The following KCNH1 variants were observed in gnomAD, a reference collection of about 807,000 sequenced individuals.
KCNH1 encodes voltage-gated delayed rectifier potassium channel KCNH1.
KCNH1 carries 27 observed loss-of-function variants against 69.2 expected under a neutral mutation model. The ratio of observed to expected loss-of-function variants is 0.39; its 90% CI spans 0.29 to 0.54. KCNH1 has a LOEUF of 0.54. Among genes scored for constraint, KCNH1 ranks in the 20% least tolerant of loss-of-function variants. The probability of loss-of-function intolerance (pLI) is 0.68; values close to 1 mark genes in which losing one functional copy is unlikely to be tolerated. For missense variants in KCNH1, 798 were observed against 1,261.6 expected (o/e 0.63, Z 5.57); for synonymous variants, 456 against 487.7 (o/e 0.93, Z 0.86).
intron 10 of KCNH1, among the ~76,000 whole-genome samples, chr1:210,688,516 A>G (rs1386446539): frequency 1.3e-5 from 2 of 152,182 alleles, no homozygotes; most frequent in African/African-American, 2.4e-5. Flanking sequence ...TTTAATGGGG[A>G]GAGAGAAAAA....
intron 1 of KCNH1, among the ~76,000 whole-genome samples, chr1:211,126,074 C>T (rs915056608): frequency 3.9e-5 from 6 of 152,178 alleles, no homozygotes; most frequent in Non-Finnish European, 7.3e-5. Context: ...TCAGCAAGAC[C>T]ACACTTGCAG....
chr1:210,689,286 T>C (rs941609173), intron 10 of KCNH1, among the ~76,000 whole-genome samples: 8 of 152,220 alleles, frequency 5.3e-5, no homozygotes, highest in African/African-American at 1.9e-4. Flanking sequence ...CCACCTCTTC[T>C]GGGTTACATT....
Position 210,919,611 on chromosome 1 carries a change from C to T in KCNH1, c.1462+29G>A. 6.3e-6 allele frequency: 10 copies of T among 1,586,316 alleles called. No homozygotes were observed. Among genetic ancestry groups the T allele is most frequent in the Non-Finnish European group, 8.6e-6 (10 of 1,161,756 alleles). On this transcript the variant is annotated intron_variant, in intron 7 of 10. Coordinates refer to ENST00000271751, the MANE Select transcript of KCNH1 (RefSeq NM_172362.3). The surrounding 1 kb of genome is among the most constrained non-coding windows in gnomAD (Gnocchi z 4.2). ...GTTTCCAGCTAACAGAAGAGATGGC[C>T]AACCCCACCCCAGCACTGTCATACT...
rs1691298367 is a variant in KCNH1 at position 211,103,489 on chromosome 1, T to C, written c.310+7A>G. The C allele has an allele frequency of 1.3e-6, 2 of 1,544,898 alleles. No homozygotes were observed. The highest frequency in any genetic ancestry group is 2.7e-5 in the African/African-American group (2 of 73,600). ...AAGGTATGGTTCAGAATGGTCTCAA[T>C]ACTCACTGTTCTTCTTGTACATCAG... is the stretch of plus-strand genomic sequence containing the variant. On this transcript the variant is annotated splice_region_variant and intron_variant, in intron 3 of 10. Coordinates refer to ENST00000271751, the MANE Select transcript of KCNH1 (RefSeq NM_172362.3).
intron 6 of KCNH1, among the ~76,000 whole-genome samples, chr1:211,016,599 C>T (rs1484203232): frequency 1.3e-5 from 2 of 151,810 alleles, no homozygotes. Context: ...AGTATGATTC[C>T]CAACATGTAC....
chr1:210,683,106 C>A lies in KCNH1; in HGVS notation c.*175G>T. On this transcript the variant is annotated 3_prime_UTR_variant, in exon 11 of 11. Coordinates refer to ENST00000271751, the MANE Select transcript of KCNH1 (RefSeq NM_172362.3). The surrounding 1 kb of genome is among the most constrained non-coding windows in gnomAD (Gnocchi z 5.7). ...ACCTTGCAGGGTAGGGGCACGCTAC[C>A]CTTCCCATATCTTTTTCCAGATAGA... is the stretch of plus-strand genomic sequence containing the variant. The A allele has an allele frequency of 1.4e-6, 1 of 702,288 alleles. No individual in the cohort carries two copies. The highest frequency in any genetic ancestry group is 2.4e-6 in the Non-Finnish European group (1 of 410,360). The allele number at this position is 702,288 out of a possible 1,614,324, so 43.5% of individuals were successfully genotyped here.
Position 210,860,297 on chromosome 1 carries a change from T to A in KCNH1, c.1463-56131A>T. The A allele has an allele frequency of 2.2e-6, 3 of 1,360,594 alleles. No homozygotes were observed. In the South Asian group the frequency reaches 3.5e-5, roughly 16 times the overall value. 84.3% of individuals were successfully genotyped at this position (1,360,594 alleles called of 1,614,324 possible). ...ATCTGTGGAGACACTTGTTGACATG[T>A]CAGGCTATGCGCTAAAGAGATGTCC... is the stretch of plus-strand genomic sequence containing the variant. On this transcript the variant is annotated intron_variant, in intron 7 of 10. Transcript: ENST00000271751.
At chr1:210,749,742 C>CT (rs34174582) in intron 10 of KCNH1, among the ~76,000 whole-genome samples, 70,791 of 130,456 alleles carry the variant, frequency 0.54, 19,653 homozygotes, top group East Asian at 0.71. Flanking sequence ...AGGCTGCTCA[C>CT]TTTTTTTTTT....
At chr1:211,120,245 A>G (rs1691661894) in intron 1 of KCNH1, among the ~76,000 whole-genome samples, 1 of 150,270 alleles carries the variant, frequency 6.7e-6, no homozygotes, top group Non-Finnish European at 1.5e-5. Flanking sequence ...CATGGAGTGC[A>G]ATGGTGCAAT....
At chr1:210,890,206 G>C (rs1187401762) in intron 7 of KCNH1, among the ~76,000 whole-genome samples, 1 of 152,022 alleles carries the variant, frequency 6.6e-6, no homozygotes, top group South Asian at 2.1e-4. Flanking sequence ...ATACAGACCA[G>C]TGGAACAGAA....
At chr1:210,808,314 A>C (rs938652245) in intron 7 of KCNH1, among the ~76,000 whole-genome samples, 6 of 152,156 alleles carry the variant, frequency 3.9e-5, no homozygotes, top group Admixed American at 2.6e-4. Context: ...CCAAATCAAT[A>C]TAGTAAGAAT....
chr1:210,949,882 C>T (rs948064895), intron 6 of KCNH1, among the ~76,000 whole-genome samples: 1 of 152,140 alleles, frequency 6.6e-6, no homozygotes, highest in Non-Finnish European at 1.5e-5. Flanking sequence ...TACGAAGATG[C>T]TATGAATCAA....
In KCNH1 at chr1:211,057,508, G is replaced by A. The variant is rs550974500; in HGVS notation, c.558+25272C>T. 5.9e-5 allele frequency among the ~76,000 whole-genome samples: 9 copies of A among 151,918 alleles called. No homozygotes were observed. In the East Asian group the frequency reaches 7.7e-4, roughly 13 times the overall value. On this transcript the variant is annotated intron_variant, in intron 5 of 10. Transcript: ENST00000271751. ...TTTTTAATTAGCTGGGTATTATGGC[G>A]TTTGCTTGTAGTCCCAGTTACTTGG...
Position 210,968,109 on chromosome 1 carries a change from T to C in KCNH1, c.1033-48040A>G, listed in dbSNP as rs943126024. 1.3e-3 allele frequency among the ~76,000 whole-genome samples: 194 copies of C among 150,318 alleles called. 2 individuals are homozygous for C. Among genetic ancestry groups the C allele is most frequent in the Non-Finnish European group, 1.9e-3 (132 of 67,824 alleles). Reference sequence around the variant, plus strand: ...TTCAGTTCCCACCTATGAGTGAGAATATGCGGTGTTTGGTTTTTTGTTCTT... The same window carrying C: ...TTCAGTTCCCACCTATGAGTGAGAACATGCGGTGTTTGGTTTTTTGTTCTT... On this transcript the variant is annotated intron_variant, in intron 6 of 10. Transcript: ENST00000271751.
rs553591923 is a variant in KCNH1 at position 210,879,222 on chromosome 1, C to T, written c.1462+40418G>A. On this transcript the variant is annotated intron_variant, in intron 7 of 10. Coordinates refer to ENST00000271751, the MANE Select transcript of KCNH1 (RefSeq NM_172362.3). ...ATAAAATATAACAATTATCTATGAT[C>T]GCTTTCAAAATATAGAAACAGAATA... Among the ~76,000 whole-genome samples the T allele has an allele frequency of 5.3e-5, 8 of 152,098 alleles. No individual in the cohort carries two copies. In the East Asian group the frequency reaches 7.7e-4, roughly 15 times the overall value.
chr1:210,729,153 T>C (rs891648459), intron 10 of KCNH1, among the ~76,000 whole-genome samples: 3 of 152,224 alleles, frequency 2.0e-5, no homozygotes, highest in African/African-American at 7.2e-5. Context: ...CATTTTTAAA[T>C]TCCTCAGCAT....
intron 10 of KCNH1, among the ~76,000 whole-genome samples, chr1:210,726,416 C>A (rs1158846074): frequency 5.3e-5 from 8 of 152,152 alleles, no homozygotes; most frequent in Non-Finnish European, 7.3e-5. Context: ...CAGAAGGAAC[C>A]CTGCCAGGTT....
At chr1:210,962,786 G>C (rs1688317999) in intron 6 of KCNH1, among the ~76,000 whole-genome samples, 1 of 151,276 alleles carries the variant, frequency 6.6e-6, no homozygotes, top group South Asian at 2.1e-4. Flanking sequence ...GAATAAGATT[G>C]CTAGATTTTA....
At chr1:210,686,458 T>C (rs143155818) in intron 10 of KCNH1, among the ~76,000 whole-genome samples, 26 of 152,316 alleles carry the variant, frequency 1.7e-4, no homozygotes, top group African/African-American at 6.3e-4. Context: ...TCTGTCCTAG[T>C]TACTCTCTAT....
Sources: allele counts gnomAD v4.1 joint callset (sites outside exome capture counted in the v4.1 genomes callset), GRCh38; gene constraint gnomAD v4.1.1; non-coding constraint Gnocchi (gnomAD v3.1); transcripts MANE v1.5; gene names NCBI Gene and HGNC (gene_info 2026-07-23, HGNC 2026-07-21).